The following OMA1 variants were observed in gnomAD, a reference collection of about 807,000 sequenced individuals.
OMA1 encodes the protein metalloendopeptidase OMA1, mitochondrial.
In OMA1, 38 loss-of-function variants were observed where a neutral mutation model predicts 30.9. That is an observed-to-expected ratio of 1.23 (90% CI 0.95 to 1.61). The LOEUF is 1.61. Ranked by LOEUF, OMA1 falls within the 40% of genes most tolerant of loss-of-function variation. OMA1 has a pLI of 0.00. For missense variants in OMA1, 461 were observed against 349.2 expected (o/e 1.32, Z -2.55); for synonymous variants, 173 against 121.9 (o/e 1.42, Z -2.76).
At chr1:58,527,425 T>C (rs1646370033) in intron 6 of OMA1, 90 bp from the exon 7 acceptor site, 2 of 721,838 alleles carry the variant, frequency 2.8e-6, no homozygotes, top group South Asian at 2.9e-5. Flanking sequence ...AACAGTTTCA[T>C]GGAGTATCTA....
intron 1 of OMA1, among the ~76,000 whole-genome samples, chr1:58,545,761 TTTC>T (rs1646692529): frequency 1.3e-5 from 2 of 152,220 alleles, no homozygotes; most frequent in African/African-American, 4.8e-5. Context: ...AAAATGACTA[TTTC>T]TTCTCTAGTT....
intron 7 of OMA1, among the ~76,000 whole-genome samples, chr1:58,509,429 G>A (rs939278929): frequency 2.6e-4 from 39 of 148,360 alleles, no homozygotes; most frequent in African/African-American, 9.1e-4. Flanking sequence ...AAACCAAAAA[G>A]AAAATGATTT....
chr1:58,490,217 C>T (rs1645655564), intron 8 of OMA1, among the ~76,000 whole-genome samples: 1 of 152,144 alleles, frequency 6.6e-6, no homozygotes, highest in Non-Finnish European at 1.5e-5. Flanking sequence ...GAATGACTAA[C>T]TAGAATAACC....
chr1:58,529,332 C>A (rs1646397967), intron 6 of OMA1, among the ~76,000 whole-genome samples: 1 of 152,112 alleles, frequency 6.6e-6, no homozygotes, highest in South Asian at 2.1e-4. Flanking sequence ...AATAACCAAA[C>A]CTCCTGGGAC....
Position 58,527,270 on chromosome 1 carries a change from A to T in OMA1, c.1206T>A (p.Leu402=), listed in dbSNP as rs761318149. The T allele has an allele frequency of 1.1e-6, 1 of 872,326 alleles. No homozygotes were observed. Among genetic ancestry groups the T allele is most frequent in the Non-Finnish European group, 2.0e-6 (1 of 501,242 alleles). 54.0% of individuals were successfully genotyped at this position (872,326 alleles called of 1,614,324 possible). The change falls in exon 7 of 9, where the codon CTT becomes CTA. Residue 402 remains leucine (L), a synonymous_variant. Transcript: ENST00000371226. ...CTACTAAACACTTTACCTTTGCAGC[A>T]AGCAGTAGTCCAATTTTGTCAGCTT... ...EAEADKIGLL[L]AAKACADIRA...
intron 8 of OMA1, among the ~76,000 whole-genome samples, chr1:58,493,218 C>G (rs1351041474): frequency 2.6e-5 from 4 of 151,890 alleles, no homozygotes; most frequent in Admixed American, 1.3e-4. Flanking sequence ...ATTCAACAGC[C>G]CTTCATGCTA....
intron 6 of OMA1, among the ~76,000 whole-genome samples, chr1:58,527,941 C>T (rs1646377926): frequency 6.6e-6 from 1 of 152,186 alleles, no homozygotes. Context: ...TATGTGAATG[C>T]TTTCCAGTTA....
chr1:58,531,124 C>T (rs1041507487), intron 5 of OMA1, among the ~76,000 whole-genome samples: 4 of 152,078 alleles, frequency 2.6e-5, no homozygotes, highest in African/African-American at 9.7e-5. Context: ...AAATCAAACC[C>T]GGTCAGTTTT....
intron 8 of OMA1, among the ~76,000 whole-genome samples, chr1:58,494,519 A>T (rs1249824871): frequency 6.8e-5 from 10 of 146,828 alleles, no homozygotes; most frequent in African/African-American, 1.3e-4. Flanking sequence ...AATCTACTCA[A>T]CTGACAAAGG....
At chr1:58,536,869 A>G (rs937572544) in intron 2 of OMA1, 128 bp from the exon 3 acceptor site, 3 of 600,286 alleles carry the variant, frequency 5.0e-6, no homozygotes, top group South Asian at 2.2e-5. Flanking sequence ...CGCTGAATAC[A>G]TCGCTTTTCC....
At position 58,539,054 on chromosome 1, in the gene OMA1, C is replaced by T. The variant is rs777437123; in HGVS notation, c.241G>A (p.Gly81Ser). ...TCCTTACTTTTGGTACTTGAGAGGC[C>T]TCCTGTTCTTTTGTTGTTAAAAGTA... ...YSTFNNKRTG[G>S]LSSTKSKEIW... is the part of the protein sequence containing the mutation. The change falls in exon 2 of 9, where the codon GGC becomes AGC. Residue 81 changes from glycine to serine, a missense_variant. Physicochemically the swap from Gly to Ser is moderately conservative, Grantham distance 56 (BLOSUM62 0). Transcript: ENST00000371226. 2 of 872,866 alleles carry T rather than the reference C, an allele frequency of 2.3e-6. No individual in the cohort carries two copies. Among genetic ancestry groups the T allele is most frequent in the East Asian group, 4.8e-5 (2 of 41,694 alleles). The allele number at this position is 872,866 out of a possible 1,614,324, so 54.1% of individuals were successfully genotyped here. A position where few individuals can be genotyped will look rare whatever the true frequency, so the allele number is the denominator to read the frequency against.
chr1:58,502,090 T>G (rs1205037294), intron 8 of OMA1, among the ~76,000 whole-genome samples: 1 of 152,198 alleles, frequency 6.6e-6, no homozygotes, highest in Non-Finnish European at 1.5e-5. Flanking sequence ...AAGTGTAAAT[T>G]TAAAACATTT....
At chr1:58,528,440 G>T (rs61629658) in intron 6 of OMA1, among the ~76,000 whole-genome samples, 20,271 of 152,160 alleles carry the variant, frequency 0.13, 1,494 homozygotes, top group African/African-American at 0.19. Flanking sequence ...ATTGAGCCCT[G>T]ATTTGTGCCA....
intron 1 of OMA1, among the ~76,000 whole-genome samples, chr1:58,541,112 C>CCAGCCTGGCCAACAAT (rs71043291): frequency 0.97 from 146,983 of 151,312 alleles, 71,537 homozygotes; most frequent in East Asian, 1. Context: ...GCATTCGAGG[C>CCAGCCTGGCCAACAAT]GTGAAACCCC....
Position 58,538,964 on chromosome 1 carries a change from T to C in OMA1, c.331A>G (p.Lys111Glu). The change falls in exon 2 of 9, where the codon AAA (lysine) becomes GAA (glutamate). Residue 111 changes from lysine to glutamate, a missense_variant. Coordinates refer to ENST00000371226, the MANE Select transcript of OMA1 (RefSeq NM_145243.5). ...AGACTAGGGACTGCTGTAACTTCTT[T>C]TATTAGCAGCTGTCTTGAAAAAGCA... is the stretch of plus-strand genomic sequence containing the variant. ...NDAFSRQLLIKEVTAVPSLSV... is the reference protein window; with the variant it reads ...NDAFSRQLLIEEVTAVPSLSV... 1.1e-6 allele frequency: 1 copy of C among 872,858 alleles called. No homozygotes were observed. Among genetic ancestry groups the C allele is most frequent in the Non-Finnish European group, 2.0e-6 (1 of 501,616 alleles). The allele number at this position is 872,858 out of a possible 1,614,324, so 54.1% of individuals were successfully genotyped here.
intron 3 of OMA1, among the ~76,000 whole-genome samples, chr1:58,535,144 A>G (rs1646496437): frequency 6.6e-6 from 1 of 152,200 alleles, no homozygotes; most frequent in South Asian, 2.1e-4. Context: ...AGAACTAATG[A>G]GCATTATCAC....
intron 8 of OMA1, among the ~76,000 whole-genome samples, chr1:58,489,251 GC>G (rs959693285): frequency 8.5e-5 from 13 of 152,182 alleles, no homozygotes; most frequent in African/African-American, 2.7e-4. Context: ...CCCTAATACT[GC>G]AATTTTCCGA....
At chr1:58,544,930 G>A (rs1266025077) in intron 1 of OMA1, among the ~76,000 whole-genome samples, 1 of 152,020 alleles carries the variant, frequency 6.6e-6, no homozygotes, top group Non-Finnish European at 1.5e-5. Context: ...CTGTAGACAC[G>A]GTGTGTCACT....
At chr1:58,520,326 T>G (rs1328545692) in intron 7 of OMA1, among the ~76,000 whole-genome samples, 1 of 152,108 alleles carries the variant, frequency 6.6e-6, no homozygotes, top group East Asian at 1.9e-4. Flanking sequence ...GACAAAGAAC[T>G]TGCACCTAGC....
Sources: gnomAD v4.1 joint callset for allele counts (sites outside exome capture counted in the v4.1 genomes callset) on GRCh38, gnomAD v4.1.1 for gene constraint, MANE v1.5 for transcripts, NCBI Gene and HGNC (gene_info 2026-07-23, HGNC 2026-07-21) for gene names.